BABAM2: variants seen among roughly 807,000 people sequenced by gnomAD.
BABAM2 encodes the protein BRISC and BRCA1-A complex member 2.
BABAM2 carries 31 observed loss-of-function variants against 54.7 expected under a neutral mutation model. The observed-to-expected ratio is 0.57, with a 90% CI of 0.43 to 0.77. The LOEUF is 0.77. Ranked by LOEUF, BABAM2 falls within the 30% of genes least tolerant of loss-of-function variation. The probability of loss-of-function intolerance (pLI) is 0.00; values close to 1 mark genes in which losing one functional copy is unlikely to be tolerated. For synonymous variants in BABAM2, 167 were observed against 162.9 expected, an observed-to-expected ratio of 1.03 and a Z score of -0.19; for missense variants, 364 against 455.8, an observed-to-expected ratio of 0.80 and a Z score of 1.83.
chr2:28,335,231 G>A (rs1426911212), intron 11 of BABAM2, among the ~76,000 whole-genome samples: 10 of 134,800 alleles, frequency 7.4e-5, no homozygotes, highest in African/African-American at 2.0e-4. Context: ...TGGTGCGGAC[G>A]TGATCTTGGC....
intron 2 of BABAM2, among the ~76,000 whole-genome samples, chr2:27,918,974 G>A (rs1667173384): frequency 2.6e-5 from 4 of 152,204 alleles, no homozygotes; most frequent in Admixed American, 2.6e-4. Context: ...ACAGGCATGA[G>A]CCACTGTGCC....
At chr2:28,056,054 G>A (rs1366062778) in intron 6 of BABAM2, among the ~76,000 whole-genome samples, 1 of 152,112 alleles carries the variant, frequency 6.6e-6, no homozygotes, top group Non-Finnish European at 1.5e-5. Flanking sequence ...TCAAATATAT[G>A]TGGAGAACAA....
chr2:28,176,569 C>CAAAAAAAAAAAAAAAAAAA lies in BABAM2; in HGVS notation c.680+47198_680+47216dup, dbSNP rs778275011. 4.4e-3 allele frequency among the ~76,000 whole-genome samples: 22 copies of CAAAAAAAAAAAAAAAAAAA among 5,040 alleles called. 8 individuals carry two copies. The highest frequency in any genetic ancestry group is 6.8e-3 in the Admixed American group (1 of 148). 3.3% of individuals were successfully genotyped at this position (5,040 alleles called of 152,430 possible). A position where few individuals can be genotyped will look rare whatever the true frequency, so the allele number is the denominator to read the frequency against. ...TGGGCAACACAGTGAGACTCTATCT[C>CAAAAAAAAAAAAAAAAAAA]AAAAAAAAAAAAAAAAAAAAAAAAA... On this transcript the variant is annotated intron_variant, in intron 7 of 11. Coordinates refer to ENST00000379624, the MANE Select transcript of BABAM2 (RefSeq NM_199191.3).
intron 5 of BABAM2, among the ~76,000 whole-genome samples, chr2:28,042,441 A>G (rs1677178872): frequency 6.6e-6 from 1 of 152,194 alleles, no homozygotes. Flanking sequence ...CCAGTGAAGT[A>G]GAGAAACTGG....
chr2:28,253,992 T>C (rs1194454716), intron 10 of BABAM2, among the ~76,000 whole-genome samples: 1 of 152,234 alleles, frequency 6.6e-6, no homozygotes, highest in East Asian at 1.9e-4. Flanking sequence ...AAAGAGCTAC[T>C]GATTACCAAA....
intron 10 of BABAM2, among the ~76,000 whole-genome samples, chr2:28,285,011 G>A (rs1181871282): frequency 6.6e-6 from 1 of 152,144 alleles, no homozygotes; most frequent in Non-Finnish European, 1.5e-5. Flanking sequence ...AGTATAGTCA[G>A]TTGCCTGAGG....
chr2:27,912,651 C>T (rs1352619536), intron 2 of BABAM2, among the ~76,000 whole-genome samples: 1 of 152,142 alleles, frequency 6.6e-6, no homozygotes, highest in East Asian at 1.9e-4. Flanking sequence ...AAAACTGAGC[C>T]ATACTACCTT....
chr2:27,980,160 A>T (rs950955578), intron 3 of BABAM2, among the ~76,000 whole-genome samples: 4 of 152,070 alleles, frequency 2.6e-5, no homozygotes, highest in African/African-American at 9.7e-5. Flanking sequence ...GGTGGTTGTA[A>T]CACTTCTTCC....
chr2:28,318,163 C>A (rs1362825536), intron 11 of BABAM2, among the ~76,000 whole-genome samples: 2 of 152,288 alleles, frequency 1.3e-5, no homozygotes, highest in Admixed American at 1.3e-4. Context: ...CCTTGCAAGT[C>A]GGGTCTTGGT....
At chr2:28,278,959 G>A (rs1245598499) in intron 10 of BABAM2, among the ~76,000 whole-genome samples, 1 of 152,208 alleles carries the variant, frequency 6.6e-6, no homozygotes, top group Non-Finnish European at 1.5e-5. Context: ...ATGTGAATGG[G>A]CCACAGAATT....
intron 2 of BABAM2, among the ~76,000 whole-genome samples, chr2:27,925,814 C>A (rs1280225638): frequency 1.3e-5 from 2 of 152,176 alleles, no homozygotes; most frequent in Non-Finnish European, 2.9e-5. Flanking sequence ...TGCTCTCATG[C>A]GCCTGAGTGT....
chr2:28,149,790 C>G (rs886151817), intron 7 of BABAM2, among the ~76,000 whole-genome samples: 4 of 152,086 alleles, frequency 2.6e-5, no homozygotes, highest in African/African-American at 9.7e-5. Context: ...AGTCAGTGTC[C>G]CTGGCACTTT....
At chr2:28,257,426 C>T (rs1260561285) in intron 10 of BABAM2, among the ~76,000 whole-genome samples, 3 of 152,266 alleles carry the variant, frequency 2.0e-5, no homozygotes, top group South Asian at 4.1e-4. Context: ...GTTTTGTTTT[C>T]GATTTCTTTT....
At chr2:28,308,652 T>G (rs1688775469) in intron 11 of BABAM2, 1 of 318,104 alleles carries the variant, frequency 3.1e-6, no homozygotes, top group Admixed American at 4.1e-5. Context: ...AAAGCATAGG[T>G]CCTCTGACCC....
chr2:27,989,031 C>T (rs922993041), intron 4 of BABAM2, among the ~76,000 whole-genome samples: 1 of 152,058 alleles, frequency 6.6e-6, no homozygotes, highest in Non-Finnish European at 1.5e-5. Flanking sequence ...AACATTAGAA[C>T]ATAGCTGTAA....
intron 7 of BABAM2, among the ~76,000 whole-genome samples, chr2:28,226,745 A>G (rs998586680): frequency 6.6e-6 from 1 of 152,146 alleles, no homozygotes; most frequent in Non-Finnish European, 1.5e-5. Context: ...AGGCAGAGAG[A>G]ACAGCAGGAG....
At chr2:28,238,139 C>A (rs1461949046) in intron 8 of BABAM2, among the ~76,000 whole-genome samples, 1 of 152,168 alleles carries the variant, frequency 6.6e-6, no homozygotes, top group Non-Finnish European at 1.5e-5. Context: ...CGTGAGCCAC[C>A]GCGCCCAGCC....
chr2:28,031,605 G>A (rs2148581984), intron 5 of BABAM2, among the ~76,000 whole-genome samples: 1 of 152,266 alleles, frequency 6.6e-6, no homozygotes, highest in South Asian at 2.1e-4. Context: ...TCCTGAGACT[G>A]TTAAAATCCA....
At chr2:28,308,409 A>G (rs1688752597) in intron 11 of BABAM2, 1 of 518,926 alleles carries the variant, frequency 1.9e-6, no homozygotes, top group African/African-American at 1.9e-5. Context: ...CCAACCACTG[A>G]GTCAGCCATG....
Sources: gnomAD v4.1 joint callset for allele counts (sites outside exome capture counted in the v4.1 genomes callset) on GRCh38, gnomAD v4.1.1 for gene constraint, MANE v1.5 for transcripts, NCBI Gene and HGNC (gene_info 2026-07-23, HGNC 2026-07-21) for gene names.